ENOX1: variants seen among roughly 807,000 people sequenced by gnomAD.
The protein encoded by ENOX1 is candidate growth-related and time keeping constitutive hydroquinone (NADH) oxidase.
In ENOX1, 42 loss-of-function variants were observed where a neutral mutation model predicts 82.5. That is an observed-to-expected ratio of 0.51 (90% confidence interval 0.40 to 0.66). The LOEUF is 0.66. ENOX1 is among the 30% of genes least tolerant of loss of function. The pLI, the probability that ENOX1 is intolerant of heterozygous loss-of-function variation, is 0.00. For missense variants in ENOX1, 608 were observed against 811.6 expected, an observed-to-expected ratio of 0.75 and a Z score of 3.05; for synonymous variants, 271 against 282.2, an observed-to-expected ratio of 0.96 and a Z score of 0.40.
In ENOX1 at chr13:43,462,411, G is replaced by A. The variant is rs191577384; in HGVS notation, c.-75+21598C>T. 2.9e-3 allele frequency among the ~76,000 whole-genome samples: 435 copies of A among 152,226 alleles called. 1 individual carries two copies. Among genetic ancestry groups the A allele is most frequent in the African/African-American group, 0.01 (419 of 41,534 alleles). On this transcript the variant is annotated intron_variant, in intron 3 of 16. Transcript: ENST00000690772. ...GGTATGCAACTCAGGAAGTCAGTTG[G>A]CAAAATTAACATTTAGAAGTAGGCA...
intron 2 of ENOX1, among the ~76,000 whole-genome samples, chr13:43,500,708 A>T (rs1258051616): frequency 6.6e-6 from 1 of 152,008 alleles, no homozygotes; most frequent in Admixed American, 6.6e-5. Flanking sequence ...TGTAATGAAG[A>T]TGTATAAATT....
intron 2 of ENOX1, among the ~76,000 whole-genome samples, chr13:43,550,157 C>T (rs1236730252): frequency 2.0e-5 from 3 of 152,166 alleles, no homozygotes; most frequent in South Asian, 2.1e-4. Context: ...AATGCTCACT[C>T]GCCTGCCTCT....
At chr13:43,423,076 A>G (rs189329084) in intron 3 of ENOX1, among the ~76,000 whole-genome samples, 17 of 152,314 alleles carry the variant, frequency 1.1e-4, no homozygotes, top group African/African-American at 4.1e-4. Context: ...ATGCAGTTTT[A>G]AAGTCTTTGT....
At chr13:43,646,663 T>C (rs2083908040) in intron 2 of ENOX1, among the ~76,000 whole-genome samples, 1 of 152,176 alleles carries the variant, frequency 6.6e-6, no homozygotes, top group South Asian at 2.1e-4. Flanking sequence ...ATCCCTGTCA[T>C]CAATCACCCT....
chr13:43,412,961 G>T lies in ENOX1; in HGVS notation c.-47C>A. 6.2e-7 allele frequency: 1 copy of T among 1,611,324 alleles called. No individual in the cohort carries two copies. Reference sequence around the variant, plus strand: ...GGCAGGAACACTTTGATGGCTGAGTGCAGGGTCCCCTCGGAGGTCATCAGA... The same window carrying T: ...GGCAGGAACACTTTGATGGCTGAGTTCAGGGTCCCCTCGGAGGTCATCAGA... On this transcript the variant is annotated 5_prime_UTR_variant, in exon 4 of 17. Coordinates refer to ENST00000690772, the MANE Select transcript of ENOX1 (RefSeq NM_001347969.2).
At chr13:43,735,571 A>G (rs890729492) in intron 1 of ENOX1, among the ~76,000 whole-genome samples, 2 of 152,146 alleles carry the variant, frequency 1.3e-5, no homozygotes, top group Admixed American at 6.5e-5. Flanking sequence ...AATACAAAAA[A>G]TTAGCTGGGC....
At chr13:43,668,429 G>A (rs969734936) in intron 1 of ENOX1, among the ~76,000 whole-genome samples, 9 of 152,084 alleles carry the variant, frequency 5.9e-5, no homozygotes, top group African/African-American at 1.7e-4. Context: ...ATAATTGCAC[G>A]AATCTGGAAA....
intron 1 of ENOX1, among the ~76,000 whole-genome samples, chr13:43,766,194 A>T (rs1321670732): frequency 2.6e-5 from 4 of 152,208 alleles, no homozygotes; most frequent in Non-Finnish European, 1.5e-5. Context: ...AATTGCATTT[A>T]TCTGGAAAAA....
Position 43,298,402 on chromosome 13 carries a change from G to A in ENOX1, c.1390C>T (p.Leu464Phe). The part of the protein sequence containing the change: ...KEQLFRTEEN[L>F]TKDQQLQFLQ... ...AACTGCAGTTGCTGGTCCTTGGTGA[G>A]GTTTTCTTCTGTTCGGAAAAGCTGT... The change falls in exon 12 of 17, where the codon CTC becomes TTC. Residue 464 changes from leucine (L) to phenylalanine (F), a missense_variant. By Grantham distance (22) the Leu-to-Phe change is conservative (BLOSUM62 0). Coordinates refer to ENST00000690772, the MANE Select transcript of ENOX1 (RefSeq NM_001347969.2). 2 of 1,613,618 alleles carry A rather than the reference G, an allele frequency of 1.2e-6. No homozygotes were observed. Among genetic ancestry groups the A allele is most frequent in the Non-Finnish European group, 1.7e-6 (2 of 1,179,916 alleles).
intron 2 of ENOX1, among the ~76,000 whole-genome samples, chr13:43,539,746 C>A (rs1458540543): frequency 6.6e-6 from 1 of 152,078 alleles, no homozygotes; most frequent in Non-Finnish European, 1.5e-5. Context: ...ACTCTCAATT[C>A]CTGAAAGAGA....
chr13:43,659,049 C>T (rs1051283339), intron 2 of ENOX1, among the ~76,000 whole-genome samples: 6 of 152,016 alleles, frequency 3.9e-5, no homozygotes, highest in African/African-American at 1.4e-4. Context: ...ATTTTTTCTA[C>T]GTTATTTTCT....
chr13:43,776,821 G>GA (rs200157120), intron 1 of ENOX1, among the ~76,000 whole-genome samples: 4,857 of 149,422 alleles, frequency 0.033, 104 homozygotes, highest in Non-Finnish European at 0.048. Context: ...CCCACAGCTA[G>GA]GGAAAAAAAA....
intron 2 of ENOX1, among the ~76,000 whole-genome samples, chr13:43,558,305 G>A (rs536559619): frequency 6.6e-6 from 1 of 152,298 alleles, no homozygotes; most frequent in Admixed American, 6.5e-5. Context: ...GTTAATGATG[G>A]GGCTTCACTG....
intron 1 of ENOX1, among the ~76,000 whole-genome samples, chr13:43,680,818 T>C (rs2085747092): frequency 6.6e-6 from 1 of 152,118 alleles, no homozygotes; most frequent in African/African-American, 2.4e-5. Flanking sequence ...ATAACAGATG[T>C]CAGGAAATGA....
intron 3 of ENOX1, among the ~76,000 whole-genome samples, chr13:43,416,184 TC>T (rs2054513224): frequency 8.1e-6 from 1 of 124,152 alleles, no homozygotes; most frequent in Non-Finnish European, 1.6e-5. Flanking sequence ...ACAGAAGCGC[TC>T]CTCACATCCC....
intron 2 of ENOX1, among the ~76,000 whole-genome samples, chr13:43,661,364 G>T (rs534721639): frequency 6.6e-6 from 1 of 152,284 alleles, no homozygotes; most frequent in East Asian, 1.9e-4. Context: ...CTTCCCCATA[G>T]GGTCTGGGTA....
intron 2 of ENOX1, among the ~76,000 whole-genome samples, chr13:43,636,797 A>G (rs1260144557): frequency 6.6e-6 from 1 of 152,164 alleles, no homozygotes; most frequent in African/African-American, 2.4e-5. Flanking sequence ...GGACACAGCA[A>G]TCAATCACTA....
At chr13:43,321,133 A>G (rs1174720941) in intron 11 of ENOX1, 2 of 456,264 alleles carry the variant, frequency 4.4e-6, no homozygotes, top group East Asian at 1.4e-4. Flanking sequence ...TTGAGGGTGA[A>G]AGGGAAAGTT....
intron 2 of ENOX1, among the ~76,000 whole-genome samples, chr13:43,659,639 G>T (rs1480112537): frequency 1.3e-5 from 2 of 152,154 alleles, no homozygotes; most frequent in Admixed American, 1.3e-4. Flanking sequence ...TAAGGGCCGA[G>T]CACTAGAAGG....
Sources: gnomAD v4.1 joint callset for allele counts (sites outside exome capture counted in the v4.1 genomes callset) on GRCh38, gnomAD v4.1.1 for gene constraint, MANE v1.5 for transcripts, NCBI Gene and HGNC (gene_info 2026-07-23, HGNC 2026-07-21) for gene names.